Variants in PPARGC1A observed in about 807,000 individuals in gnomAD.
PPARGC1A encodes PPARG coactivator 1 alpha.
Under a neutral mutation model 88.7 loss-of-function variants are expected in PPARGC1A, and 25 were observed. The ratio of observed to expected loss-of-function variants is 0.28; its 90% CI spans 0.21 to 0.39. The LOEUF (loss-of-function observed/expected upper bound fraction) is 0.39, where lower values mean the gene tolerates loss of function less well. Among genes scored for constraint, PPARGC1A ranks in the 10% least tolerant of loss-of-function variants. The pLI is 1.00. For synonymous variants in PPARGC1A, 363 were observed against 355.6 expected, an observed-to-expected ratio of 1.02 and a Z score of -0.24; for missense variants, 880 against 968.7, an observed-to-expected ratio of 0.91 and a Z score of 1.22.
At chr4:24,151,116 A>C in the PPARGC1A span, among the ~76,000 whole-genome samples, 18 of 152,322 alleles carry the variant, frequency 1.2e-4, no homozygotes, top group African/African-American at 4.3e-4. Context: ...TGGTGCTGCC[A>C]GCCAGCACCT....
At chr4:24,207,803 AT>A in the PPARGC1A span, among the ~76,000 whole-genome samples, 9 of 152,252 alleles carry the variant, frequency 5.9e-5, no homozygotes. Context: ...TAAGGAATAA[AT>A]AAAAAACCTG....
chr4:23,848,235 G>A lies in PPARGC1A; in HGVS notation c.235-16484C>T, dbSNP rs113188596. ...CATTCAAGCAATATTTACTGAATTCGTACCATGCTTATATAGTTACAAACT... is the reference window on the plus strand; with the variant it reads ...CATTCAAGCAATATTTACTGAATTCATACCATGCTTATATAGTTACAAACT... On this transcript the variant is annotated intron_variant, in intron 2 of 12. Coordinates refer to ENST00000264867, the MANE Select transcript of PPARGC1A (RefSeq NM_013261.5). Among the ~76,000 whole-genome samples, 56 of 152,198 alleles carry A rather than the reference G, an allele frequency of 3.7e-4. 1 individual carries two copies. Among genetic ancestry groups the A allele is most frequent in the South Asian group, 3.1e-3 (15 of 4,828 alleles).
the PPARGC1A span, among the ~76,000 whole-genome samples, chr4:24,466,963 A>AG: frequency 9.4e-6 from 1 of 106,176 alleles, no homozygotes; most frequent in Non-Finnish European, 2.0e-5. Flanking sequence ...AAAGAAAGAA[A>AG]GAAAGAAAGA....
the PPARGC1A span, among the ~76,000 whole-genome samples, chr4:24,009,869 T>A: frequency 2.0e-5 from 3 of 152,176 alleles, no homozygotes; most frequent in Non-Finnish European, 2.9e-5. Flanking sequence ...ACCTGCTATT[T>A]TACACAGACC....
At chr4:24,198,978 T>C in the PPARGC1A span, among the ~76,000 whole-genome samples, 7 of 152,338 alleles carry the variant, frequency 4.6e-5, no homozygotes, top group East Asian at 1.4e-3. Context: ...CAAGGTGGGC[T>C]GAAGGGACAT....
chr4:23,894,407 A>T (rs1718273034), upstream of PPARGC1A, among the ~76,000 whole-genome samples: 1 of 152,160 alleles, frequency 6.6e-6, no homozygotes, highest in South Asian at 2.1e-4. Context: ...GCAGGATAGG[A>T]TATAACAAAG....
the PPARGC1A span, among the ~76,000 whole-genome samples, chr4:24,002,130 T>C: frequency 8.0e-6 from 1 of 125,590 alleles, no homozygotes; most frequent in Non-Finnish European, 1.7e-5. Flanking sequence ...AGAGAGAACT[T>C]GAAGACAAAC....
the PPARGC1A span, among the ~76,000 whole-genome samples, chr4:24,356,213 A>T: frequency 2.0e-5 from 3 of 151,626 alleles, no homozygotes; most frequent in Non-Finnish European, 4.4e-5. Flanking sequence ...AAAAAAAAAA[A>T]AAAAGAGAGA....
intron 2 of PPARGC1A, among the ~76,000 whole-genome samples, chr4:23,860,404 C>T (rs1731036119): frequency 2.0e-5 from 3 of 151,928 alleles, no homozygotes; most frequent in South Asian, 2.1e-4. Context: ...TCTAATGTAC[C>T]ACATGAGGAC....
intron 10 of PPARGC1A, among the ~76,000 whole-genome samples, chr4:23,808,286 A>G (rs1234983183): frequency 6.6e-6 from 1 of 151,620 alleles, no homozygotes; most frequent in Admixed American, 6.6e-5. Context: ...TAATTGCACA[A>G]TTTTTTTCAT....
At chr4:24,278,243 C>T in the PPARGC1A span, among the ~76,000 whole-genome samples, 1 of 152,116 alleles carries the variant, frequency 6.6e-6, no homozygotes, top group Non-Finnish European at 1.5e-5. Context: ...CTTTGCGTGG[C>T]TTCTGTGAGA....
the PPARGC1A span, among the ~76,000 whole-genome samples, chr4:23,969,713 T>C: frequency 6.6e-6 from 1 of 152,180 alleles, no homozygotes; most frequent in Non-Finnish European, 1.5e-5. Context: ...GCCCCAGTCC[T>C]AGACCTCTGG....
chr4:23,953,941 G>T, the PPARGC1A span, among the ~76,000 whole-genome samples: 13 of 151,870 alleles, frequency 8.6e-5, no homozygotes, highest in Admixed American at 6.6e-4. Context: ...TCATAAGACC[G>T]TACTGTCTAC....
At chr4:24,108,262 C>T in the PPARGC1A span, among the ~76,000 whole-genome samples, 2 of 152,138 alleles carry the variant, frequency 1.3e-5, no homozygotes, top group African/African-American at 4.8e-5. Flanking sequence ...AGACATCTTC[C>T]TCCCATTTCA....
intron 2 of PPARGC1A, among the ~76,000 whole-genome samples, chr4:23,857,372 T>TA (rs1730370177): frequency 9.0e-6 from 1 of 111,520 alleles, no homozygotes; most frequent in Non-Finnish European, 1.9e-5. Flanking sequence ...TGTGTGTGTG[T>TA]GACACACACA....
At chr4:24,184,874 A>C in the PPARGC1A span, among the ~76,000 whole-genome samples, 8 of 152,288 alleles carry the variant, frequency 5.3e-5, 1 homozygote, top group South Asian at 1.7e-3. Flanking sequence ...AGCGGCAGAA[A>C]AGGAAGGAAA....
chr4:23,947,370 TATATATATATATATATATATATATATAA>T, the PPARGC1A span, among the ~76,000 whole-genome samples: 2 of 18,090 alleles, frequency 1.1e-4, no homozygotes, highest in African/African-American at 1.5e-4. Context: ...TATATATATA[TATATATATATATATATATATATATATAA>T]AAAAAACGGT....
chr4:23,810,165 C>G (rs1560340443), intron 10 of PPARGC1A, among the ~76,000 whole-genome samples: 1 of 152,206 alleles, frequency 6.6e-6, no homozygotes, highest in Non-Finnish European at 1.5e-5. Flanking sequence ...AGTCCCAAAT[C>G]TTTATTAAGC....
At chr4:23,923,701 T>G in the PPARGC1A span, among the ~76,000 whole-genome samples, 1 of 152,320 alleles carries the variant, frequency 6.6e-6, no homozygotes, top group Non-Finnish European at 1.5e-5. Context: ...GCAATTGTAC[T>G]GAAACAAAAT....
Sources: gnomAD v4.1 joint callset for allele counts (sites outside exome capture counted in the v4.1 genomes callset) on GRCh38, gnomAD v4.1.1 for gene constraint, MANE v1.5 for transcripts, NCBI Gene and HGNC (gene_info 2026-07-23, HGNC 2026-07-21) for gene names.